CACNA1A: variants seen among roughly 807,000 people sequenced by gnomAD.
CACNA1A encodes voltage-dependent P/Q-type calcium channel subunit alpha-1A.
Under a neutral mutation model 262.4 loss-of-function variants are expected in CACNA1A, and 57 were observed. The observed-to-expected ratio is 0.22, with a 90% CI of 0.18 to 0.27. The LOEUF is 0.27. Ranked by LOEUF, CACNA1A falls within the 10% of genes least tolerant of loss-of-function variation. The pLI is 1.00. For missense variants in CACNA1A, 2,526 were observed against 3,562.8 expected (o/e 0.71, Z 7.41); for synonymous variants, 1,431 against 1,419.3 (o/e 1.01, Z -0.18).
chr19:13,312,058 T>C (rs938549883), intron 12 of CACNA1A, among the ~76,000 whole-genome samples: 6 of 152,146 alleles, frequency 3.9e-5, no homozygotes, highest in Admixed American at 3.9e-4. Flanking sequence ...AGCAATGGAA[T>C]GCTGGGTCAT....
At chr19:13,407,211 C>T (rs1011379461) in intron 3 of CACNA1A, among the ~76,000 whole-genome samples, 5 of 152,088 alleles carry the variant, frequency 3.3e-5, no homozygotes, top group East Asian at 1.9e-4. Context: ...AGACAAAACG[C>T]GTAGACAGTA....
intron 1 of CACNA1A, among the ~76,000 whole-genome samples, chr19:13,487,289 C>T (rs904679557): frequency 2.0e-5 from 3 of 152,120 alleles, no homozygotes; most frequent in African/African-American, 7.2e-5. Flanking sequence ...ATGAGTAGAA[C>T]CAGGGTGCCC....
intron 3 of CACNA1A, among the ~76,000 whole-genome samples, chr19:13,377,373 AT>A (rs1169102792): frequency 0.049 from 6,891 of 139,798 alleles, 393 homozygotes; most frequent in African/African-American, 0.16. Flanking sequence ...CTAACACAAC[AT>A]TTTTTTTTTT....
intron 1 of CACNA1A, among the ~76,000 whole-genome samples, chr19:13,501,168 C>T: frequency 6.7e-6 from 1 of 149,894 alleles, no homozygotes; most frequent in East Asian, 2.0e-4. Context: ...GTGAATTTTG[C>T]TACAAATAAA....
intron 1 of CACNA1A, 132 bp downstream of exon 1, chr19:13,505,800 T>TCCCAGCCCCTGGAAGAC: frequency 1.2e-6 from 1 of 830,098 alleles, no homozygotes; most frequent in Non-Finnish European, 1.9e-6. Flanking sequence ...GTGCCCCCTC[T>TCCCAGCCCCTGGAAGAC]CCCAGCCCCT....
At position 13,208,906 on chromosome 19, in the gene CACNA1A, G is replaced by GTGC. The variant is rs1568419034; in HGVS notation, c.6627_6629dup (p.Gln2209dup). The stretch of plus-strand genomic sequence containing the variant: ...GGTGGTGGTGGTGGTGGTGGTGGTG[G>GTGC]TGCTGTCGATGCTTCCGATCCTTGG... On this transcript the variant is annotated inframe_insertion, in exon 46 of 47. Coordinates refer to ENST00000360228, the MANE Select transcript of CACNA1A (RefSeq NM_001127222.2). The GTGC allele has an allele frequency of 1.7e-5, 26 of 1,536,592 alleles. No homozygotes were observed. Among genetic ancestry groups the GTGC allele is most frequent in the Admixed American group, 7.8e-5 (4 of 50,976 alleles).
At chr19:13,230,580 A>G (rs7245783) in intron 35 of CACNA1A, among the ~76,000 whole-genome samples, 137,441 of 151,764 alleles carry the variant, frequency 0.91, 62,264 homozygotes, top group East Asian at 0.95. Context: ...CGAGGTGGAC[A>G]GATCACTTGA....
intron 6 of CACNA1A, among the ~76,000 whole-genome samples, chr19:13,358,233 A>G (rs2059041310): frequency 6.6e-6 from 1 of 152,102 alleles, no homozygotes. Flanking sequence ...AAATAAAACT[A>G]TGGGCAGCCA....
intron 24 of CACNA1A, among the ~76,000 whole-genome samples, chr19:13,264,635 G>A (rs1385496866): frequency 1.3e-5 from 2 of 151,982 alleles, no homozygotes; most frequent in Non-Finnish European, 1.5e-5. Flanking sequence ...TACTGTTCCC[G>A]CTGCTAGAAA....
At chr19:13,304,775 C>T (rs764073449) in intron 15 of CACNA1A, among the ~76,000 whole-genome samples, 1 of 151,924 alleles carries the variant, frequency 6.6e-6, no homozygotes, top group Non-Finnish European at 1.5e-5. Context: ...AGGGCCCTCA[C>T]CAGGAACTAA....
intron 3 of CACNA1A, among the ~76,000 whole-genome samples, chr19:13,383,433 T>C (rs1382973190): frequency 6.6e-6 from 1 of 152,206 alleles, no homozygotes; most frequent in Non-Finnish European, 1.5e-5. Context: ...GAGTTTGAGA[T>C]GCCAGTTTTC....
intron 38 of CACNA1A, among the ~76,000 whole-genome samples, chr19:13,219,949 CAAAA>C (rs751435539): frequency 5.8e-5 from 2 of 34,702 alleles, no homozygotes; most frequent in Non-Finnish European, 1.1e-4. Flanking sequence ...GACTCCGTTT[CAAAA>C]AAAAAAAAAA....
In CACNA1A at chr19:13,439,632, C is replaced by T. The variant is rs1050065181; in HGVS notation, c.539+13244G>A. ...TTCACCACGTTAGCCAGGATGGTCT[C>T]GATCTCCTGATCTCATGATCTGCCC... On this transcript the variant is annotated intron_variant, in intron 3 of 46. Coordinates refer to ENST00000360228, the MANE Select transcript of CACNA1A (RefSeq NM_001127222.2). Among the ~76,000 whole-genome samples the T allele has an allele frequency of 4.6e-5, 7 of 151,720 alleles. No homozygotes were observed. In the South Asian group the frequency reaches 6.2e-4, roughly 14 times the overall value.
At chr19:13,280,802 G>A (rs1261180745) in intron 22 of CACNA1A, among the ~76,000 whole-genome samples, 1 of 152,100 alleles carries the variant, frequency 6.6e-6, no homozygotes, top group Non-Finnish European at 1.5e-5. Context: ...TTAGCCGGGT[G>A]TGGTGGCGCC....
chr19:13,506,248 G>C lies in CACNA1A; in HGVS notation c.-24C>G, dbSNP rs1469837020. 7.0e-7 allele frequency: 1 copy of C among 1,427,046 alleles called. No individual in the cohort carries two copies. The highest frequency in any genetic ancestry group is 2.7e-5 in the East Asian group (1 of 37,068). 88.4% of individuals were successfully genotyped at this position (1,427,046 alleles called of 1,614,324 possible). ...ATTCTGCAAAGAGCAAAGGGCTCCG[G>C]GTTACGCTGCGGCGAACGATGCGGA... On this transcript the variant is annotated 5_prime_UTR_variant, in exon 1 of 47. Coordinates refer to ENST00000360228, the MANE Select transcript of CACNA1A (RefSeq NM_001127222.2).
intron 1 of CACNA1A, among the ~76,000 whole-genome samples, chr19:13,466,208 C>CTT (rs557368417): frequency 4.1e-5 from 6 of 146,898 alleles, no homozygotes; most frequent in Non-Finnish European, 4.5e-5. Flanking sequence ...TTTGGTTTTG[C>CTT]TTTTTTTTTT....
chr19:13,255,338 C>T (rs1281326211), intron 28 of CACNA1A, 79 bp from the exon 29 acceptor site: 14 of 1,351,510 alleles, frequency 1.0e-5, no homozygotes, highest in South Asian at 6.0e-5. Context: ...CTGTCTAACT[C>T]GTCGCGGTTC....
intron 3 of CACNA1A, among the ~76,000 whole-genome samples, chr19:13,424,827 CAG>C (rs1488762417): frequency 2.0e-5 from 3 of 151,714 alleles, no homozygotes; most frequent in African/African-American, 7.3e-5. Flanking sequence ...TTTTTTGAGA[CAG>C]AGTCTCGTCC....
intron 26 of CACNA1A, 61 bp from the exon 27 acceptor site, chr19:13,259,762 T>G (rs1441106283): frequency 1.3e-6 from 2 of 1,573,082 alleles, no homozygotes; most frequent in African/African-American, 2.7e-5. Flanking sequence ...GCACTTGTCT[T>G]TGGTTATCAG....
Sources: allele counts gnomAD v4.1 joint callset (sites outside exome capture counted in the v4.1 genomes callset), GRCh38; gene constraint gnomAD v4.1.1; transcripts MANE v1.5; gene names NCBI Gene and HGNC (gene_info 2026-07-23, HGNC 2026-07-21).